Variants in SETD4 observed in about 807,000 individuals in gnomAD.
The protein encoded by SETD4 is SET domain-containing protein 4.
SETD4 carries 46 observed loss-of-function variants against 58.3 expected under a neutral mutation model. The observed-to-expected ratio is 0.79, with a 90% CI of 0.62 to 1.01. The LOEUF (loss-of-function observed/expected upper bound fraction) is 1.01. Among genes scored for constraint, SETD4 ranks in the 50% least tolerant of loss-of-function variants. SETD4 has a pLI of 0.00. For missense variants in SETD4, 490 were observed against 523.3 expected, an observed-to-expected ratio of 0.94 and a Z score of 0.62; for synonymous variants, 190 against 202.6, an observed-to-expected ratio of 0.94 and a Z score of 0.53.
At position 36,059,973 on chromosome 21, in the gene SETD4, G is replaced by C. The variant is rs149562903; in HGVS notation, c.-37+374C>G. ...CCACCATCACCCTGCTGAGGACCAC[G>C]TGAAGCCCGGTGACCGCCACAGACA... On this transcript the variant is annotated intron_variant, in intron 1 of 11. Transcript: ENST00000332131. 4,757 of 985,658 alleles carry C rather than the reference G, an allele frequency of 4.8e-3. 25 individuals are homozygous for C. The highest frequency in any genetic ancestry group is 0.029 in the South Asian group (622 of 21,290). The allele number at this position is 985,658 out of a possible 1,614,324, so 61.1% of individuals were successfully genotyped here.
chr21:36,036,232 T>G lies in SETD4; in HGVS notation c.1208A>C (p.Glu403Ala), dbSNP rs200149481. The G allele has an allele frequency of 2.5e-4, 399 of 1,609,254 alleles. No homozygotes were observed. In the Middle Eastern group the frequency reaches 2.6e-3, roughly 11 times the overall value. ...TAGTTGGTTTATCAGGGCCTCTTTTTCATCCTTCATATGAGACACCTGAAA... is the reference window on the plus strand; with the variant it reads ...TAGTTGGTTTATCAGGGCCTCTTTTGCATCCTTCATATGAGACACCTGAAA... ...VLQKVSHMKD[E>A]KEALINQLTL... The change falls in exon 11 of 12, where the codon GAA (glutamate) becomes GCA (alanine). Residue 403 changes from glutamate (E) to alanine (A), a missense_variant. Glu to Ala is a moderately radical substitution (Grantham distance 107, BLOSUM62 -1). Transcript: ENST00000332131.
intron 10 of SETD4, among the ~76,000 whole-genome samples, chr21:36,037,382 A>G (rs2063830168): frequency 6.6e-6 from 1 of 152,060 alleles, no homozygotes; most frequent in Non-Finnish European, 1.5e-5. Flanking sequence ...AGGTGGGCGG[A>G]TCACCTGAGG....
intron 7 of SETD4, 148 bp downstream of exon 7, chr21:36,043,634 G>A: frequency 1.4e-6 from 2 of 1,433,782 alleles, no homozygotes; most frequent in East Asian, 2.5e-5. Flanking sequence ...CAGCCAGTAA[G>A]AGTAAGGCTA....
rs2064168117 is a variant in SETD4, at chr21:36,043,613, C to T, written c.901+169G>A. ...CAAAACTTCGTTGTTTTTACTTCAA[C>T]ACTGAAATTACAGCCAGTAAGAGTA... On this transcript the variant is annotated intron_variant, in intron 7 of 11. Transcript: ENST00000332131. 6 of 1,410,144 alleles carry T rather than the reference C, an allele frequency of 4.3e-6. No individual in the cohort carries two copies. In the South Asian group the frequency reaches 8.5e-5, roughly 20 times the overall value. 87.4% of individuals were successfully genotyped at this position (1,410,144 alleles called of 1,614,324 possible).
intron 6 of SETD4, among the ~76,000 whole-genome samples, chr21:36,045,191 G>A (rs2835248): frequency 0.75 from 114,595 of 152,132 alleles, 43,445 homozygotes; most frequent in South Asian, 0.83. Context: ...CGATCAGAGC[G>A]AAGAGAAATG....
At chr21:36,047,341 A>T (rs924789492) in intron 5 of SETD4, among the ~76,000 whole-genome samples, 1 of 152,196 alleles carries the variant, frequency 6.6e-6, no homozygotes, top group Admixed American at 6.5e-5. Flanking sequence ...TCTGTCCTCA[A>T]AGATGCCCCA....
At chr21:36,048,028 G>A (rs1379727720) in intron 5 of SETD4, among the ~76,000 whole-genome samples, 1 of 129,950 alleles carries the variant, frequency 7.7e-6, no homozygotes, top group African/African-American at 2.8e-5. Context: ...GAAAGAGAGA[G>A]AGAGAGACAA....
rs1207672977 is a variant in SETD4, at chr21:36,060,038, C to A, written c.-37+309G>T. On this transcript the variant is annotated intron_variant, in intron 1 of 11. Transcript: ENST00000332131. The stretch of plus-strand genomic sequence containing the variant: ...GCCCCCATAGTCCTCAAACTCTAGC[C>A]GTGAGGCCGTCCTACGGTCCGACAC... 15 of 985,456 alleles carry A rather than the reference C, an allele frequency of 1.5e-5. No homozygotes were observed. In the East Asian group the frequency reaches 1.0e-3, roughly 67 times the overall value. The allele number at this position is 985,456 out of a possible 1,614,324, so 61.0% of individuals were successfully genotyped here. A position where few individuals can be genotyped will look rare whatever the true frequency, so the allele number is the denominator to read the frequency against.
intron 4 of SETD4, 92 bp from the exon 5 acceptor site, chr21:36,048,488 C>T: frequency 9.5e-7 from 1 of 1,049,748 alleles, no homozygotes; most frequent in Non-Finnish European, 1.5e-6. Flanking sequence ...CCACAATCAC[C>T]TACCAGTAAC....
In SETD4 at chr21:36,057,148, T is replaced by G. The variant is rs933700922; in HGVS notation, c.130A>C (p.Lys44Gln). 6 of 1,614,216 alleles carry G rather than the reference T, an allele frequency of 3.7e-6. No individual in the cohort carries two copies. The highest frequency in any genetic ancestry group is 5.1e-6 in the Non-Finnish European group (6 of 1,180,042). Residue 44 changes from lysine (K) to glutamine (Q), a missense_variant, in exon 3 of 12, where the codon AAG becomes CAG. Coordinates refer to ENST00000332131, the MANE Select transcript of SETD4 (RefSeq NM_017438.5). ...GGCGCTAAGTTTGAATCTTGAAACT[T>G]CCTAGCTTTCAGCCACTTCCTCAGC... is the stretch of plus-strand genomic sequence containing the variant. ...IELRKWLKAR[K>Q]FQDSNLAPAC...
chr21:36,053,602 A>T lies in SETD4; in HGVS notation c.188T>A (p.Met63Lys). ...ACFPGTGRGL[M>K]SQTSLQEGQM... ...TCTCACCTGCAGGGATGTTTGACTCATCAGCCCTCTTCCTGTACCTAGGAA... is the reference window on the plus strand; with the variant it reads ...TCTCACCTGCAGGGATGTTTGACTCTTCAGCCCTCTTCCTGTACCTAGGAA... The change falls in exon 4 of 12, where the codon ATG becomes AAG. Residue 63 changes from methionine (M) to lysine (K), a missense_variant. Met to Lys is a moderately conservative substitution (Grantham distance 95). Transcript: ENST00000332131. 6.2e-7 allele frequency: 1 copy of T among 1,614,194 alleles called. No individual in the cohort carries two copies. The highest frequency in any genetic ancestry group is 1.1e-5 in the South Asian group (1 of 91,084).
chr21:36,059,921 A>G (rs73370463), intron 1 of SETD4: 285,523 of 985,024 alleles, frequency 0.29, 42,155 homozygotes, highest in Middle Eastern at 0.42. Context: ...AGTGTCCCCA[A>G]GACTCCCGGG....
intron 9 of SETD4, 91 bp downstream of exon 9, chr21:36,040,484 T>C: frequency 9.3e-7 from 1 of 1,076,284 alleles, no homozygotes; most frequent in Non-Finnish European, 1.4e-6. Flanking sequence ...TGGCTGGGTA[T>C]CTGAATGCAA....
intron 5 of SETD4, among the ~76,000 whole-genome samples, chr21:36,048,056 A>AGAGG (rs1162900771): frequency 2.7e-4 from 28 of 104,648 alleles, no homozygotes; most frequent in Admixed American, 1.7e-3. Flanking sequence ...AGGAAGGAAG[A>AGAGG]GAGGGAGGGA....
intron 10 of SETD4, among the ~76,000 whole-genome samples, chr21:36,037,434 G>C (rs1337928578): frequency 6.6e-6 from 1 of 151,642 alleles, no homozygotes; most frequent in Non-Finnish European, 1.5e-5. Flanking sequence ...GTGAAACCCT[G>C]TCTCTACTAA....
chr21:36,043,250 G>A (rs138906671), intron 7 of SETD4: 134 of 172,930 alleles, frequency 7.7e-4, no homozygotes, highest in African/African-American at 3.1e-3. Flanking sequence ...AACAGAGTGC[G>A]ACTCTGACTC....
rs2064090354 is a variant in SETD4 at position 36,042,037 on chromosome 21, T to G, written c.902-149A>C. 3 of 520,838 alleles carry G rather than the reference T, an allele frequency of 5.8e-6. No individual in the cohort carries two copies. In the Admixed American group the frequency reaches 1.1e-4, roughly 18 times the overall value. 32.3% of individuals were successfully genotyped at this position (520,838 alleles called of 1,614,324 possible). On this transcript the variant is annotated intron_variant, in intron 7 of 11. Coordinates refer to ENST00000332131, the MANE Select transcript of SETD4 (RefSeq NM_017438.5). ...AATTCACACAAAGGAAATCTACTCTTCAAGTCCAATTCAGTCACATCAGTA... is the reference window on the plus strand; with the variant it reads ...AATTCACACAAAGGAAATCTACTCTGCAAGTCCAATTCAGTCACATCAGTA...
chr21:36,046,388 A>G (rs1291420218), intron 5 of SETD4, among the ~76,000 whole-genome samples: 1 of 152,214 alleles, frequency 6.6e-6, no homozygotes, highest in Non-Finnish European at 1.5e-5. Context: ...TATGGTGGGG[A>G]AAAAATGGTG....
At chr21:36,050,512 G>C (rs1386884893) in intron 4 of SETD4, 2 of 1,613,312 alleles carry the variant, frequency 1.2e-6, no homozygotes, top group Non-Finnish European at 1.7e-6. Context: ...GAGAAGATGG[G>C]ATGCCAGTTA....
Sources: gnomAD v4.1 joint callset for allele counts (sites outside exome capture counted in the v4.1 genomes callset) on GRCh38, gnomAD v4.1.1 for gene constraint, MANE v1.5 for transcripts, NCBI Gene and HGNC (gene_info 2026-07-23, HGNC 2026-07-21) for gene names.